Variants in TUSC3 observed in about 807,000 individuals in gnomAD.
TUSC3 encodes the protein tumor suppressor candidate 3.
TUSC3 carries 45 observed loss-of-function variants against 44.8 expected under a neutral mutation model. The ratio of observed to expected loss-of-function variants is 1.00; its 90% confidence interval spans 0.79 to 1.29. The LOEUF (loss-of-function observed/expected upper bound fraction) is 1.29. Among genes scored for constraint, TUSC3 ranks in the 50% most tolerant of loss-of-function variants. TUSC3 has a pLI of 0.00. For missense variants in TUSC3, 519 were observed against 437.9 expected (o/e 1.19, Z -1.65); for synonymous variants, 212 against 152.9 (o/e 1.39, Z -2.85).
chr8:15,703,104 A>T (rs1809474456), intron 6 of TUSC3, among the ~76,000 whole-genome samples: 1 of 152,154 alleles, frequency 6.6e-6, no homozygotes, highest in South Asian at 2.1e-4. Context: ...GATTCCCCAA[A>T]TGATTACAGA....
At chr8:15,688,393 C>G (rs1468257151) in intron 6 of TUSC3, among the ~76,000 whole-genome samples, 1 of 149,356 alleles carries the variant, frequency 6.7e-6, no homozygotes, top group Non-Finnish European at 1.5e-5. Context: ...CGTAACCTTA[C>G]ATAAAATAAA....
intron 1 of TUSC3, among the ~76,000 whole-genome samples, chr8:15,590,069 A>G (rs1306685329): frequency 1.3e-5 from 2 of 152,178 alleles, no homozygotes; most frequent in Admixed American, 1.3e-4. Flanking sequence ...ATATTCTGTT[A>G]AAAGCATCTG....
At chr8:15,525,504 T>C (rs1030039638) in intron 2 of TUSC3, among the ~76,000 whole-genome samples, 1 of 152,244 alleles carries the variant, frequency 6.6e-6, no homozygotes, top group African/African-American at 2.4e-5. Context: ...TAATGTATAA[T>C]ATGGCAAATA....
Position 15,524,110 on chromosome 8 carries a change from T to C in TUSC3, n.189+40627T>C, listed in dbSNP as rs550555176. On this transcript the variant is annotated intron_variant and non_coding_transcript_variant, in intron 2 of 5. Transcript: ENST00000503191. The stretch of plus-strand genomic sequence containing the variant: ...GTGTTTGGTTTGCATTTGATTTAGA[T>C]GCATTTTTTTATACTAAACTAGCCC... 3.9e-5 allele frequency among the ~76,000 whole-genome samples: 6 copies of C among 151,908 alleles called. No individual in the cohort carries two copies. In the East Asian group the frequency reaches 5.8e-4, roughly 15 times the overall value.
chr8:15,675,401 C>T (rs1247587716), intron 6 of TUSC3, among the ~76,000 whole-genome samples: 4 of 146,700 alleles, frequency 2.7e-5, no homozygotes, highest in African/African-American at 5.1e-5. Flanking sequence ...AATGTTTTAA[C>T]ATATTGTATT....
At chr8:15,743,168 AAAATG>A (rs1177361180) in intron 7 of TUSC3, among the ~76,000 whole-genome samples, 3 of 152,258 alleles carry the variant, frequency 2.0e-5, no homozygotes, top group African/African-American at 7.2e-5. Context: ...ACACGTTATG[AAAATG>A]AAATGTGTCA....
chr8:15,715,227 C>A (rs2129201362), intron 6 of TUSC3, among the ~76,000 whole-genome samples: 1 of 152,108 alleles, frequency 6.6e-6, no homozygotes, highest in South Asian at 2.1e-4. Flanking sequence ...AACATGCATA[C>A]CAGGATGAAG....
chr8:15,533,173 G>C (rs1363585849), intron 2 of TUSC3, among the ~76,000 whole-genome samples: 1 of 152,144 alleles, frequency 6.6e-6, no homozygotes, highest in Non-Finnish European at 1.5e-5. Context: ...GATGTGACTT[G>C]CTCCTCCTTC....
intron 1 of TUSC3, among the ~76,000 whole-genome samples, chr8:15,548,851 T>A (rs930208056): frequency 6.6e-6 from 1 of 151,780 alleles, no homozygotes; most frequent in Non-Finnish European, 1.5e-5. Flanking sequence ...ATATTAAATA[T>A]CAGTAGGAGA....
intron 1 of TUSC3, among the ~76,000 whole-genome samples, chr8:15,606,346 T>G (rs528301530): frequency 6.6e-6 from 1 of 152,188 alleles, no homozygotes; most frequent in African/African-American, 2.4e-5. Flanking sequence ...TTGCATATAA[T>G]ACATGTACAA....
chr8:15,742,382 A>G (rs986768042), intron 7 of TUSC3, among the ~76,000 whole-genome samples: 1 of 152,050 alleles, frequency 6.6e-6, no homozygotes, highest in Non-Finnish European at 1.5e-5. Context: ...ATGCCTTACT[A>G]GAGAAGTCAG....
chr8:15,446,218 G>T (rs975409377), intron 1 of TUSC3, among the ~76,000 whole-genome samples: 2 of 151,518 alleles, frequency 1.3e-5, no homozygotes, highest in South Asian at 4.2e-4. Flanking sequence ...GGGTGGCCGG[G>T]CAGAGAGGCT....
chr8:15,722,936 A>G (rs2129204906), intron 6 of TUSC3, among the ~76,000 whole-genome samples: 1 of 152,194 alleles, frequency 6.6e-6, no homozygotes, highest in South Asian at 2.1e-4. Flanking sequence ...GCCTCCCACA[A>G]AATGTAGTTA....
chr8:15,600,435 A>G (rs1470067785), intron 1 of TUSC3, among the ~76,000 whole-genome samples: 3 of 151,810 alleles, frequency 2.0e-5, no homozygotes, highest in African/African-American at 7.2e-5. Context: ...CTTAAAGGAA[A>G]ATTAGAATTG....
At chr8:15,700,207 A>T (rs967131566) in intron 6 of TUSC3, among the ~76,000 whole-genome samples, 3 of 152,186 alleles carry the variant, frequency 2.0e-5, no homozygotes, top group Non-Finnish European at 4.4e-5. Context: ...AAAGTTTATC[A>T]TGCTTTTCCA....
At chr8:15,752,473 T>C (rs1160653911) in intron 9 of TUSC3, among the ~76,000 whole-genome samples, 2 of 152,142 alleles carry the variant, frequency 1.3e-5, no homozygotes, top group Non-Finnish European at 2.9e-5. Context: ...TTTATGACAG[T>C]TCTCTAATTC....
intron 1 of TUSC3, among the ~76,000 whole-genome samples, chr8:15,551,274 G>T (rs1802053150): frequency 6.6e-6 from 1 of 151,542 alleles, no homozygotes; most frequent in South Asian, 2.1e-4. Context: ...TAGACTTTTA[G>T]ATCCTTTCTA....
At chr8:15,481,561 G>A (rs1563262484) in intron 1 of TUSC3, among the ~76,000 whole-genome samples, 1 of 151,994 alleles carries the variant, frequency 6.6e-6, no homozygotes, top group South Asian at 2.1e-4. Flanking sequence ...AGGTATTGCA[G>A]GTTTTGTTCC....
chr8:15,488,351 A>T (rs1177995955), intron 2 of TUSC3, among the ~76,000 whole-genome samples: 1 of 151,862 alleles, frequency 6.6e-6, no homozygotes, highest in Non-Finnish European at 1.5e-5. Flanking sequence ...AAATTAAAAT[A>T]AATAGCTGGG....
Sources: gnomAD v4.1 joint callset for allele counts (sites outside exome capture counted in the v4.1 genomes callset) on GRCh38, gnomAD v4.1.1 for gene constraint, MANE v1.5 for transcripts, NCBI Gene and HGNC (gene_info 2026-07-23, HGNC 2026-07-21) for gene names.